Variants in MAPKAP1 observed in about 807,000 individuals in gnomAD.
MAPKAP1 encodes the protein MAPK associated protein 1.
MAPKAP1 carries 20 observed loss-of-function variants against 65.7 expected under a neutral mutation model. The ratio of observed to expected loss-of-function variants is 0.30; its 90% CI spans 0.21 to 0.44. MAPKAP1 has a LOEUF of 0.44. Among genes scored for constraint, MAPKAP1 ranks in the 20% least tolerant of loss-of-function variants. MAPKAP1 has a pLI of 1.00. For synonymous variants in MAPKAP1, 222 were observed against 244.3 expected (o/e 0.91, Z 0.85); for missense variants, 423 against 648.0 (o/e 0.65, Z 3.77).
chr9:125,481,318 C>T (rs1254552511), intron 9 of MAPKAP1, among the ~76,000 whole-genome samples: 1 of 152,000 alleles, frequency 6.6e-6, no homozygotes, highest in Non-Finnish European at 1.5e-5. Flanking sequence ...CATTCCAAGG[C>T]AGCGCTTTTC....
chr9:125,556,536 A>C (rs1186924912), intron 6 of MAPKAP1, among the ~76,000 whole-genome samples: 1 of 152,218 alleles, frequency 6.6e-6, no homozygotes, highest in Non-Finnish European at 1.5e-5. Flanking sequence ...GTGAGATAGC[A>C]TATGCATAGT....
intron 4 of MAPKAP1, among the ~76,000 whole-genome samples, chr9:125,639,492 G>A (rs1020511961): frequency 6.6e-6 from 1 of 152,194 alleles, no homozygotes; most frequent in Non-Finnish European, 1.5e-5. Context: ...ATATATGCTT[G>A]TTGTCATTAT....
intron 4 of MAPKAP1, among the ~76,000 whole-genome samples, chr9:125,591,753 T>C (rs1236851709): frequency 6.6e-6 from 1 of 152,110 alleles, no homozygotes; most frequent in Non-Finnish European, 1.5e-5. Flanking sequence ...TTAGAAGGAA[T>C]CATCTAAAAC....
chr9:125,698,289 ATATAT>A lies in MAPKAP1; in HGVS notation c.-70+8677_-70+8681del, dbSNP rs528209598. ...TATATATAATACATAATATATATAA[ATATAT>A]ATATATATATATATATATATATATA... is the stretch of plus-strand genomic sequence containing the variant. On this transcript the variant is annotated intron_variant, in intron 1 of 11. Coordinates refer to ENST00000265960, the MANE Select transcript of MAPKAP1 (RefSeq NM_001006617.3). Among the ~76,000 whole-genome samples, 75 of 77,792 alleles carry A rather than the reference ATATAT, an allele frequency of 9.6e-4. 2 individuals carry two copies. The highest frequency in any genetic ancestry group is 3.3e-3 in the African/African-American group (70 of 21,260). 51.0% of individuals were successfully genotyped at this position (77,792 alleles called of 152,430 possible).
In MAPKAP1 at chr9:125,439,050, C is replaced by G; in HGVS notation, c.1444-38G>C. 1 of 1,606,568 alleles carries G rather than the reference C, an allele frequency of 6.2e-7. No individual in the cohort carries two copies. ...GCACACAGCCCGGTCACCTTGCCAG[C>G]CGCTCCCTACCCACCCAGGGCATCG... On this transcript the variant is annotated intron_variant, in intron 11 of 11. Coordinates refer to ENST00000265960, the MANE Select transcript of MAPKAP1 (RefSeq NM_001006617.3). This position sits in a 1 kb window ranked among gnomAD's most constrained non-coding sequence, Gnocchi z 4.0.
chr9:125,651,633 T>C (rs1833896258), intron 4 of MAPKAP1, among the ~76,000 whole-genome samples: 1 of 152,030 alleles, frequency 6.6e-6, no homozygotes, highest in Non-Finnish European at 1.5e-5. Flanking sequence ...CAAAAGTATG[T>C]AAATGAAGCC....
At chr9:125,599,172 A>T (rs915801253) in intron 4 of MAPKAP1, among the ~76,000 whole-genome samples, 10 of 152,176 alleles carry the variant, frequency 6.6e-5, no homozygotes, top group African/African-American at 2.4e-4. Context: ...AAAAAAAAAT[A>T]TTGCTGTTCA....
chr9:125,586,781 T>TA (rs1314816327), intron 4 of MAPKAP1, among the ~76,000 whole-genome samples: 1 of 152,098 alleles, frequency 6.6e-6, no homozygotes, highest in Non-Finnish European at 1.5e-5. Context: ...ACAGAGTATA[T>TA]AGAAAAGTGT....
intron 4 of MAPKAP1, among the ~76,000 whole-genome samples, chr9:125,593,850 CT>C (rs1402184859): frequency 6.6e-6 from 1 of 152,214 alleles, no homozygotes; most frequent in Non-Finnish European, 1.5e-5. Context: ...CTAGACTCAA[CT>C]TCATATCCCA....
At chr9:125,665,309 C>A (rs1247285710) in intron 3 of MAPKAP1, among the ~76,000 whole-genome samples, 1 of 152,046 alleles carries the variant, frequency 6.6e-6, no homozygotes. Flanking sequence ...GAGACTCTGT[C>A]TCAAAAACAA....
intron 5 of MAPKAP1, among the ~76,000 whole-genome samples, chr9:125,571,104 A>C (rs1193684854): frequency 6.6e-6 from 1 of 152,204 alleles, no homozygotes; most frequent in Admixed American, 6.5e-5. Context: ...ATCAAATGTA[A>C]AATGGTGTTT....
At chr9:125,630,943 A>T (rs1053257912) in intron 4 of MAPKAP1, among the ~76,000 whole-genome samples, 1 of 152,114 alleles carries the variant, frequency 6.6e-6, no homozygotes, top group Non-Finnish European at 1.5e-5. Context: ...AATAATTTTT[A>T]AAAATTAGCT....
At chr9:125,677,264 C>A (rs1004611758) in intron 1 of MAPKAP1, among the ~76,000 whole-genome samples, 11 of 152,004 alleles carry the variant, frequency 7.2e-5, no homozygotes, top group Non-Finnish European at 1.0e-4. Flanking sequence ...CATGTGAAAC[C>A]CCATCTCTAC....
chr9:125,591,302 C>G (rs564617814), intron 4 of MAPKAP1, among the ~76,000 whole-genome samples: 169 of 152,274 alleles, frequency 1.1e-3, no homozygotes, highest in Non-Finnish European at 2.0e-3. Context: ...CCCTACAAAC[C>G]TGAGGAAAGC....
At chr9:125,605,135 CATT>C (rs1832404840) in intron 4 of MAPKAP1, among the ~76,000 whole-genome samples, 1 of 152,280 alleles carries the variant, frequency 6.6e-6, no homozygotes, top group African/African-American at 2.4e-5. Context: ...AGTTCCTCAT[CATT>C]AAGAGAAACT....
intron 5 of MAPKAP1, among the ~76,000 whole-genome samples, chr9:125,562,984 C>T (rs1424604255): frequency 6.6e-6 from 1 of 152,164 alleles, no homozygotes; most frequent in Non-Finnish European, 1.5e-5. Flanking sequence ...AAATATGACA[C>T]ACTTTGATGA....
At chr9:125,490,442 G>A (rs1335046386) in intron 8 of MAPKAP1, among the ~76,000 whole-genome samples, 1 of 152,120 alleles carries the variant, frequency 6.6e-6, no homozygotes. Flanking sequence ...GGGAGGCTGA[G>A]GCAGGAAAAT....
chr9:125,569,848 C>A (rs939044159), intron 5 of MAPKAP1, among the ~76,000 whole-genome samples: 8 of 152,122 alleles, frequency 5.3e-5, no homozygotes, highest in Admixed American at 2.6e-4. Flanking sequence ...CTCTAATTGG[C>A]TTAAACAAAA....
At chr9:125,461,462 C>T (rs1853491033) in intron 10 of MAPKAP1, among the ~76,000 whole-genome samples, 5 of 152,216 alleles carry the variant, frequency 3.3e-5, no homozygotes, top group Admixed American at 3.3e-4. Flanking sequence ...CATATCCACT[C>T]AGGCCCAAGG....
Sources: gnomAD v4.1 joint callset for allele counts (sites outside exome capture counted in the v4.1 genomes callset) on GRCh38, gnomAD v4.1.1 for gene constraint, Gnocchi (gnomAD v3.1) non-coding constraint, MANE v1.5 for transcripts, NCBI Gene and HGNC (gene_info 2026-07-23, HGNC 2026-07-21) for gene names.